Variants in RAB11FIP2 observed in about 807,000 individuals in gnomAD.
The protein encoded by RAB11FIP2 is rab11 family-interacting protein 2.
Under a neutral mutation model 40.9 loss-of-function variants are expected in RAB11FIP2, and 16 were observed. The observed-to-expected ratio is 0.39, with a 90% CI of 0.26 to 0.59. The LOEUF (loss-of-function observed/expected upper bound fraction) is 0.59. RAB11FIP2 is among the 20% of genes least tolerant of loss of function. RAB11FIP2 has a pLI of 0.53. For missense variants in RAB11FIP2, 532 were observed against 606.2 expected (o/e 0.88, Z 1.28); for synonymous variants, 228 against 213.7 (o/e 1.07, Z -0.58).
At chr10:118,034,155 C>G in intron 3 of RAB11FIP2, 1 of 648,176 alleles carries the variant, frequency 1.5e-6, no homozygotes, top group Non-Finnish European at 2.9e-6. Flanking sequence ...TGTGTTCGAA[C>G]AAAACTTTAC....
intron 3 of RAB11FIP2, among the ~76,000 whole-genome samples, chr10:118,031,089 AT>A (rs1193876054): frequency 6.6e-6 from 1 of 152,150 alleles, no homozygotes; most frequent in East Asian, 1.9e-4. Context: ...GAAGCCACAA[AT>A]TTTCAAGTGT....
intron 3 of RAB11FIP2, among the ~76,000 whole-genome samples, chr10:118,022,075 G>A (rs1470652324): frequency 6.6e-6 from 1 of 152,154 alleles, no homozygotes; most frequent in Non-Finnish European, 1.5e-5. Flanking sequence ...AGTTCTGTCT[G>A]GTTTTCTTCC....
intron 1 of RAB11FIP2, among the ~76,000 whole-genome samples, chr10:118,044,681 A>C (rs770723054): frequency 9.2e-5 from 14 of 152,100 alleles, no homozygotes; most frequent in Non-Finnish European, 1.6e-4. Context: ...AAACAAAAAA[A>C]CTCCAATCAA....
chr10:118,019,590 G>A (rs1846259299), intron 3 of RAB11FIP2, among the ~76,000 whole-genome samples: 2 of 151,974 alleles, frequency 1.3e-5, no homozygotes, highest in East Asian at 1.9e-4. Context: ...TTGGGAGGCC[G>A]AGACAGGCAG....
At chr10:118,039,794 T>C (rs934945101) in intron 2 of RAB11FIP2, 14 of 350,972 alleles carry the variant, frequency 4.0e-5, no homozygotes, top group Non-Finnish European at 7.1e-5. Context: ...AAAAGTTTTC[T>C]TCTAAGGACT....
At position 118,033,731 on chromosome 10, in the gene RAB11FIP2, T is replaced by C. The variant is rs1299148463; in HGVS notation, c.1265+5241A>G. Among the ~76,000 whole-genome samples the C allele has an allele frequency of 5.9e-5, 9 of 152,158 alleles. 1 individual carries two copies. Among genetic ancestry groups the C allele is most frequent in the Admixed American group, 6.5e-5 (1 of 15,274 alleles). On this transcript the variant is annotated intron_variant, in intron 3 of 4. Coordinates refer to ENST00000355624, the MANE Select transcript of RAB11FIP2 (RefSeq NM_014904.3). Reference sequence around the variant, plus strand: ...GCCTTAGAACGTTAGAAAGAGGAGTTTGGATTTGGTGTTGCAAACCAGTAG... The same window carrying C: ...GCCTTAGAACGTTAGAAAGAGGAGTCTGGATTTGGTGTTGCAAACCAGTAG...
chr10:118,025,747 C>G (rs1008762649), intron 3 of RAB11FIP2, among the ~76,000 whole-genome samples: 5 of 152,196 alleles, frequency 3.3e-5, no homozygotes, highest in Non-Finnish European at 4.4e-5. Context: ...CTGAGAACCA[C>G]TTCACACATT....
chr10:118,019,529 C>T (rs1231937659), intron 3 of RAB11FIP2, among the ~76,000 whole-genome samples: 2 of 152,050 alleles, frequency 1.3e-5, no homozygotes, highest in Non-Finnish European at 2.9e-5. Context: ...GCTCTAGAGA[C>T]TTGGGGATTC....
chr10:118,005,674 T>C lies in RAB11FIP2; in HGVS notation c.*3324A>G, dbSNP rs1234797989. 1 of 152,156 alleles carries C rather than the reference T, an allele frequency of 6.6e-6. No homozygotes were observed. The highest frequency in any genetic ancestry group is 1.5e-5 in the Non-Finnish European group (1 of 68,026). The allele number at this position is 152,156 out of a possible 1,614,324, so 9.4% of individuals were successfully genotyped here. A position where few individuals can be genotyped will look rare whatever the true frequency, so the allele number is the denominator to read the frequency against. On this transcript the variant is annotated 3_prime_UTR_variant, in exon 5 of 5. Coordinates refer to ENST00000355624, the MANE Select transcript of RAB11FIP2 (RefSeq NM_014904.3). Reference sequence around the variant, plus strand: ...GCTTGATTTACAAATCCAAGGTAAATTGCTTCTTCTGAAAAGCTACAGAGG... The same window carrying C: ...GCTTGATTTACAAATCCAAGGTAAACTGCTTCTTCTGAAAAGCTACAGAGG...
chr10:118,039,758 A>T (rs1429041999), intron 2 of RAB11FIP2: 1 of 356,436 alleles, frequency 2.8e-6, no homozygotes, highest in Non-Finnish European at 5.0e-6. Context: ...CATTAGCATT[A>T]AATTTACTTT....
chr10:118,024,986 A>C (rs1846326679), intron 3 of RAB11FIP2, among the ~76,000 whole-genome samples: 1 of 152,138 alleles, frequency 6.6e-6, no homozygotes, highest in Non-Finnish European at 1.5e-5. Flanking sequence ...GGGGCCCCCC[A>C]GTTGGGTGAT....
chr10:118,030,056 G>A (rs535173167), intron 3 of RAB11FIP2, among the ~76,000 whole-genome samples: 3 of 152,118 alleles, frequency 2.0e-5, no homozygotes, highest in East Asian at 1.9e-4. Context: ...AATTTTAGCC[G>A]ACAAGTCACA....
At chr10:118,021,889 G>A (rs530719194) in intron 3 of RAB11FIP2, among the ~76,000 whole-genome samples, 71 of 152,212 alleles carry the variant, frequency 4.7e-4, no homozygotes, top group African/African-American at 1.6e-3. Flanking sequence ...GCTCTACCTC[G>A]GAGATTTCAT....
In RAB11FIP2 at chr10:118,039,263, A is replaced by G. The variant is rs1382587649; in HGVS notation, c.974T>C (p.Phe325Ser). The change falls in exon 3 of 5, where the codon TTT becomes TCT. Residue 325 changes from phenylalanine to serine, a missense_variant. Physicochemically the swap from Phe to Ser is radical, Grantham distance 155 (BLOSUM62 -2). Transcript: ENST00000355624. Reference sequence around the variant, plus strand: ...GTCCCATGTTTCGCTGCTTTCTTCAAATGGATTTTTCTTCCTTGGCAGTGT... The same window carrying G: ...GTCCCATGTTTCGCTGCTTTCTTCAGATGGATTTTTCTTCCTTGGCAGTGT... ...FATLPRKKNP[F>S]EESSETWDSS... is the part of the protein sequence containing the mutation. 2 of 1,613,670 alleles carry G rather than the reference A, an allele frequency of 1.2e-6. No homozygotes were observed. The highest frequency in any genetic ancestry group is 1.1e-5 in the South Asian group (1 of 91,066).
At chr10:118,036,383 A>G (rs1846481477) in intron 3 of RAB11FIP2, among the ~76,000 whole-genome samples, 2 of 152,138 alleles carry the variant, frequency 1.3e-5, no homozygotes, top group Non-Finnish European at 2.9e-5. Context: ...TAGCTCCAAA[A>G]GTGCATTCGG....
rs549589369 is a variant in RAB11FIP2, at chr10:118,035,857, T to C, written c.1265+3115A>G. ...AATGCTTCAAAGAAATAGGGGCATGTAAGAGACTGCAAATTAGTAACTTCG... is the reference window on the plus strand; with the variant it reads ...AATGCTTCAAAGAAATAGGGGCATGCAAGAGACTGCAAATTAGTAACTTCG... On this transcript the variant is annotated intron_variant, in intron 3 of 4. Transcript: ENST00000355624. Among the ~76,000 whole-genome samples the C allele has an allele frequency of 3.9e-5, 6 of 152,234 alleles. No individual in the cohort carries two copies. The East Asian group carries it at 1.2e-3, about 30-fold the overall frequency.
intron 3 of RAB11FIP2, among the ~76,000 whole-genome samples, chr10:118,033,554 C>T (rs1335957961): frequency 1.3e-5 from 2 of 152,076 alleles, no homozygotes; most frequent in African/African-American, 4.8e-5. Context: ...TGAGAGTGCA[C>T]CCCACAATTG....
At chr10:118,012,630 AT>A (rs34501954) in intron 4 of RAB11FIP2, among the ~76,000 whole-genome samples, 1 of 151,902 alleles carries the variant, frequency 6.6e-6, no homozygotes, top group Non-Finnish European at 1.5e-5. Flanking sequence ...TACAAAAATT[AT>A]TTTTTTAGAG....
At chr10:118,045,544 T>C (rs1010902850) in intron 1 of RAB11FIP2, 1 of 387,128 alleles carries the variant, frequency 2.6e-6, no homozygotes, top group Non-Finnish European at 4.7e-6. Flanking sequence ...TGAAACAATG[T>C]TAACTTACTT....
Sources: allele counts gnomAD v4.1 joint callset (sites outside exome capture counted in the v4.1 genomes callset), GRCh38; gene constraint gnomAD v4.1.1; transcripts MANE v1.5; gene names NCBI Gene and HGNC (gene_info 2026-07-23, HGNC 2026-07-21).